The following PRRG1 variants were observed in gnomAD, a reference collection of about 807,000 sequenced individuals.
PRRG1 encodes transmembrane gamma-carboxyglutamic acid protein 1.
A neutral mutation model predicts 11.8 loss-of-function variants in PRRG1; 5 were observed. The ratio of observed to expected loss-of-function variants is 0.42; its 90% confidence interval spans 0.22 to 0.89. The LOEUF is 0.89. PRRG1 is among the 40% of genes least tolerant of loss of function. The probability of loss-of-function intolerance (pLI) is 0.28; values close to 1 mark genes in which losing one functional copy is unlikely to be tolerated. For missense variants in PRRG1, 155 were observed against 166.1 expected (o/e 0.93, Z 0.37); for synonymous variants, 66 against 60.4 (o/e 1.09, Z -0.43).
intron 3 of PRRG1, among the ~76,000 whole-genome samples, chrX:37,440,513 A>T (rs1457538116): frequency 8.9e-6 from 1 of 111,882 alleles, no homozygotes; most frequent in Non-Finnish European, 1.9e-5. Context: ...ATGAGGTTTC[A>T]TTATAAGCCT....
intron 3 of PRRG1, among the ~76,000 whole-genome samples, chrX:37,433,044 G>T (rs1932848611): frequency 9.0e-6 from 1 of 111,265 alleles, no homozygotes; most frequent in African/African-American, 3.3e-5. Flanking sequence ...TCGGAATCTA[G>T]CCACCTTTCT....
chrX:37,441,592 C>A, intron 3 of PRRG1: 1 of 786,636 alleles, frequency 1.3e-6, no homozygotes. Flanking sequence ...TGTCAACAAC[C>A]ACGTCAACCT....
At chrX:37,379,778 T>C (rs1556373359) in intron 1 of PRRG1, among the ~76,000 whole-genome samples, 1 of 111,898 alleles carries the variant, frequency 8.9e-6, no homozygotes, top group Non-Finnish European at 1.9e-5. Flanking sequence ...CTGGTTTGTT[T>C]AGACAGTCCA....
At position 37,431,881 on chromosome X, in the gene PRRG1, C is replaced by T. The variant is rs373670467; in HGVS notation, c.171+5881C>T. Among the ~76,000 whole-genome samples the T allele has an allele frequency of 4.0e-4, 43 of 108,710 alleles. No homozygotes were observed. In the East Asian group the frequency reaches 0.012, roughly 30 times the overall value. 94.4% of individuals were successfully genotyped at this position (108,710 alleles called of 115,157 possible). ...CTCCCAGGTTCAAGTGATTCTTGTG[C>T]CTCAGCCTCCTAAGTAGCTGGGACT... is the stretch of plus-strand genomic sequence containing the variant. On this transcript the variant is annotated intron_variant, in intron 3 of 3. Coordinates refer to ENST00000378628, the MANE Select transcript of PRRG1 (RefSeq NM_001142395.2).
intron 3 of PRRG1, among the ~76,000 whole-genome samples, chrX:37,426,457 A>G (rs369321616): frequency 3.6e-5 from 4 of 111,851 alleles, no homozygotes; most frequent in East Asian, 2.8e-4. Context: ...ACTCTAGACT[A>G]CATGCTATTC....
rs782729817 is a variant in PRRG1, at chrX:37,403,645, TAATAAAATAA to T, written c.-41-2540_-41-2531del. On this transcript the variant is annotated intron_variant, in intron 1 of 3. Transcript: ENST00000378628. ...AAAGTATAATAATAATAAAATAAAA[TAATAAAATAA>T]AATAAAATAAAATAAAATAAAATGA... 144 of 420,134 alleles carry T rather than the reference TAATAAAATAA, an allele frequency of 3.4e-4. No homozygotes were observed. In the Middle Eastern group the frequency reaches 4.6e-3, roughly 13 times the overall value. 34.6% of individuals were successfully genotyped at this position (420,134 alleles called of 1,213,427 possible).
intron 2 of PRRG1, among the ~76,000 whole-genome samples, chrX:37,417,211 A>G (rs1932523720): frequency 9.0e-6 from 1 of 110,938 alleles, no homozygotes; most frequent in Non-Finnish European, 1.9e-5. Flanking sequence ...TAACTACTGT[A>G]TGGTCCTTAG....
chrX:37,408,192 C>G (rs1556382592), intron 2 of PRRG1, among the ~76,000 whole-genome samples: 1 of 111,626 alleles, frequency 9.0e-6, no homozygotes, highest in African/African-American at 3.3e-5. Context: ...TCCTTAGTCT[C>G]ATGTCGAGTT....
chrX:37,409,604 C>G (rs1471905532), intron 2 of PRRG1, among the ~76,000 whole-genome samples: 1 of 112,390 alleles, frequency 8.9e-6, no homozygotes. Context: ...CAAAGAGACT[C>G]TATCCTTTAC....
At position 37,405,546 on chromosome X, in the gene PRRG1, GT is replaced by G. The variant is rs202070745; in HGVS notation, c.-41-652del. Among the ~76,000 whole-genome samples the G allele has an allele frequency of 1.7e-4, 18 of 103,061 alleles. No individual in the cohort carries two copies. The Middle Eastern group carries it at 0.015, about 85-fold the overall frequency. 89.5% of individuals were successfully genotyped at this position (103,061 alleles called of 115,157 possible). ...AATTGGTTTCTGTGTATGTATGAGT[GT>G]TTTTTTTTTTCATCTTTTGGAAACA... On this transcript the variant is annotated intron_variant, in intron 1 of 3. Coordinates refer to ENST00000378628, the MANE Select transcript of PRRG1 (RefSeq NM_001142395.2).
Position 37,404,145 on chromosome X carries a change from CAA to C in PRRG1, c.-41-2059_-41-2058del, listed in dbSNP as rs1216457309. Among the ~76,000 whole-genome samples, 8 of 111,594 alleles carry C rather than the reference CAA, an allele frequency of 7.2e-5. No homozygotes were observed. In the East Asian group the frequency reaches 2.3e-3, roughly 32 times the overall value. On this transcript the variant is annotated intron_variant, in intron 1 of 3. Coordinates refer to ENST00000378628, the MANE Select transcript of PRRG1 (RefSeq NM_001142395.2). Reference sequence around the variant, plus strand: ...ACTTTATTAAATATTAAAGAATAAACAAAAAATAAAATATGAGAAGTCCTGCC... The same window carrying C: ...ACTTTATTAAATATTAAAGAATAAACAAAATAAAATATGAGAAGTCCTGCC...
At chrX:37,361,755 T>C (rs986904918) in intron 1 of PRRG1, among the ~76,000 whole-genome samples, 1 of 111,623 alleles carries the variant, frequency 9.0e-6, no homozygotes, top group Admixed American at 9.5e-5. Flanking sequence ...GTGAATCTCC[T>C]CCAATCTGTC....
At chrX:37,355,156 T>C (rs1349563128) in intron 1 of PRRG1, among the ~76,000 whole-genome samples, 2 of 111,108 alleles carry the variant, frequency 1.8e-5, no homozygotes, top group African/African-American at 6.6e-5. Context: ...TGGGCTGAAG[T>C]GATCCTACCA....
intron 1 of PRRG1, among the ~76,000 whole-genome samples, chrX:37,359,367 T>C (rs1316381456): frequency 9.0e-6 from 1 of 110,795 alleles, no homozygotes; most frequent in East Asian, 2.8e-4. Flanking sequence ...TTGGATTTTG[T>C]TAAGTGCTTT....
At chrX:37,385,399 T>C (rs946607193) in intron 1 of PRRG1, among the ~76,000 whole-genome samples, 1 of 110,889 alleles carries the variant, frequency 9.0e-6, no homozygotes, top group South Asian at 3.8e-4. Context: ...ATTTGGGTGC[T>C]GGTTACCTGG....
chrX:37,391,916 G>T (rs1556376796), intron 1 of PRRG1, among the ~76,000 whole-genome samples: 1 of 110,956 alleles, frequency 9.0e-6, no homozygotes, highest in African/African-American at 3.3e-5. Context: ...ACTTGAAAGA[G>T]AATTCTCTTA....
At chrX:37,364,034 G>GAAAA (rs1235254787) in intron 1 of PRRG1, among the ~76,000 whole-genome samples, 4 of 110,670 alleles carry the variant, frequency 3.6e-5, no homozygotes, top group Non-Finnish European at 5.7e-5. Flanking sequence ...TTGTTAAATA[G>GAAAA]TGAAGGAGGC....
intron 1 of PRRG1, among the ~76,000 whole-genome samples, chrX:37,361,339 CA>C (rs1420994688): frequency 0.056 from 3,701 of 66,442 alleles, 146 homozygotes; most frequent in African/African-American, 0.17. Context: ...GAGACTCAGT[CA>C]AAAAAAAAAA....
intron 3 of PRRG1, among the ~76,000 whole-genome samples, chrX:37,445,299 C>T (rs1363806136): frequency 8.9e-6 from 1 of 112,157 alleles, no homozygotes; most frequent in Non-Finnish European, 1.9e-5. Flanking sequence ...GTGTTAGCAT[C>T]TTACTGCTCA....
Sources: allele counts gnomAD v4.1 joint callset (sites outside exome capture counted in the v4.1 genomes callset), GRCh38; gene constraint gnomAD v4.1.1; transcripts MANE v1.5; gene names NCBI Gene and HGNC (gene_info 2026-07-23, HGNC 2026-07-21).